Variants in ASB3 observed in about 807,000 individuals in gnomAD.
ASB3 encodes ankyrin repeat and SOCS box protein 3.
ASB3 carries 41 observed loss-of-function variants against 54.5 expected under a neutral mutation model. The observed-to-expected ratio is 0.75, with a 90% CI of 0.59 to 0.98. ASB3 has a LOEUF of 0.98. Ranked by LOEUF, ASB3 falls within the 50% of genes least tolerant of loss-of-function variation. The pLI, the probability that ASB3 is intolerant of heterozygous loss-of-function variation, is 0.00. For synonymous variants in ASB3, 266 were observed against 221.2 expected, an observed-to-expected ratio of 1.20 and a Z score of -1.80; for missense variants, 733 against 620.0, an observed-to-expected ratio of 1.18 and a Z score of -1.94.
intron 2 of ASB3, 40 bp downstream of exon 2, chr2:53,765,337 A>G (rs1472445358): frequency 6.2e-7 from 1 of 1,612,310 alleles, no homozygotes; most frequent in Admixed American, 1.7e-5. Flanking sequence ...TTATTAATCC[A>G]GCTTGTAGGC....
chr2:53,709,447 G>C (rs1669969749), intron 7 of ASB3, among the ~76,000 whole-genome samples: 1 of 152,144 alleles, frequency 6.6e-6, no homozygotes, highest in Non-Finnish European at 1.5e-5. Flanking sequence ...CATTGGTCTT[G>C]CCTCTACCCC....
intron 5 of ASB3, among the ~76,000 whole-genome samples, chr2:53,727,021 TTAGGA>T (rs1317647132): frequency 1.3e-5 from 2 of 152,070 alleles, no homozygotes; most frequent in Non-Finnish European, 2.9e-5. Context: ...ATTAACTGAA[TTAGGA>T]TAGTCCTCCG....
intron 8 of ASB3, among the ~76,000 whole-genome samples, chr2:53,697,738 G>A (rs1429205632): frequency 6.6e-6 from 1 of 152,144 alleles, no homozygotes; most frequent in Non-Finnish European, 1.5e-5. Flanking sequence ...AATTCAAGAG[G>A]ATTACCTTGA....
chr2:53,731,951 C>T (rs1217572249), intron 3 of ASB3, among the ~76,000 whole-genome samples: 1 of 151,714 alleles, frequency 6.6e-6, no homozygotes, highest in African/African-American at 2.4e-5. Context: ...TCACACTTGG[C>T]CCCCACAACA....
At chr2:53,678,091 C>G (rs558294716) in intron 9 of ASB3, among the ~76,000 whole-genome samples, 1 of 152,088 alleles carries the variant, frequency 6.6e-6, no homozygotes, top group Admixed American at 6.6e-5. Context: ...GTGATTACTA[C>G]AGTCAAACAA....
intron 2 of ASB3, among the ~76,000 whole-genome samples, chr2:53,760,048 T>C (rs905869240): frequency 5.9e-4 from 90 of 152,302 alleles, no homozygotes; most frequent in Non-Finnish European, 1.1e-3. Context: ...AGTCACTATA[T>C]ACTTCTCCCA....
intron 1 of ASB3, among the ~76,000 whole-genome samples, chr2:53,765,819 C>G (rs1297337274): frequency 2.0e-5 from 3 of 152,156 alleles, no homozygotes; most frequent in Non-Finnish European, 4.4e-5. Context: ...CATGAAGGGA[C>G]TTTTAAGTGT....
intron 3 of ASB3, among the ~76,000 whole-genome samples, chr2:53,737,460 A>G (rs188661477): frequency 1.6e-4 from 24 of 152,296 alleles, no homozygotes; most frequent in Admixed American, 1.6e-3. Flanking sequence ...AAGTTGCCCA[A>G]GGGTCCTTGG....
chr2:53,710,906 C>A (rs892825958), intron 7 of ASB3, among the ~76,000 whole-genome samples: 3 of 151,972 alleles, frequency 2.0e-5, no homozygotes, highest in East Asian at 3.9e-4. Context: ...GCAGGGAGAT[C>A]ACCTGAGCTC....
chr2:53,736,604 CAGG>C (rs1359912047), intron 3 of ASB3, among the ~76,000 whole-genome samples: 5 of 151,668 alleles, frequency 3.3e-5, no homozygotes, highest in African/African-American at 1.2e-4. Flanking sequence ...GAGGCCGAGG[CAGG>C]AGAATGGTGT....
chr2:53,749,600 T>C (rs1432901646), intron 3 of ASB3, among the ~76,000 whole-genome samples: 1 of 152,114 alleles, frequency 6.6e-6, no homozygotes, highest in East Asian at 1.9e-4. Flanking sequence ...TAATCACATC[T>C]ATTTAATAGA....
chr2:53,684,356 T>C (rs1480221993), intron 9 of ASB3, among the ~76,000 whole-genome samples: 5 of 152,238 alleles, frequency 3.3e-5, no homozygotes, highest in African/African-American at 1.2e-4. Context: ...TATGCCACTC[T>C]ACCTAATCAT....
At chr2:53,699,975 C>T (rs549609585) in intron 8 of ASB3, among the ~76,000 whole-genome samples, 2 of 152,156 alleles carry the variant, frequency 1.3e-5, no homozygotes, top group Non-Finnish European at 2.9e-5. Context: ...TCTTCTGTTA[C>T]AGGCATTTTA....
At chr2:53,768,329 C>T (rs1673645204) in intron 1 of ASB3, 1 of 272,008 alleles carries the variant, frequency 3.7e-6, no homozygotes, top group African/African-American at 2.2e-5. Flanking sequence ...TCTCTGCAAC[C>T]TCTGCCAAAA....
At chr2:53,691,924 G>C (rs1384226464) in intron 9 of ASB3, among the ~76,000 whole-genome samples, 1 of 152,204 alleles carries the variant, frequency 6.6e-6, no homozygotes, top group African/African-American at 2.4e-5. Context: ...AACAAGGAGA[G>C]GGATAAAAAG....
Position 53,679,702 on chromosome 2 carries a change from A to C in ASB3, c.1370-9012T>G, listed in dbSNP as rs527371950. On this transcript the variant is annotated intron_variant, in intron 9 of 9. Coordinates refer to ENST00000263634, the MANE Select transcript of ASB3 (RefSeq NM_016115.5). ...ATCCTTCCCTTTTAGCCACTGTACTAATCAAAGAACTATGTTCACTTTATT... is the reference window on the plus strand; with the variant it reads ...ATCCTTCCCTTTTAGCCACTGTACTCATCAAAGAACTATGTTCACTTTATT... Among the ~76,000 whole-genome samples the C allele has an allele frequency of 2.0e-5, 3 of 152,288 alleles. No individual in the cohort carries two copies. In the East Asian group the frequency reaches 5.8e-4, roughly 29 times the overall value.
At position 53,694,027 on chromosome 2, in the gene ASB3, G is replaced by C; in HGVS notation, c.1239-13C>G. 6.2e-7 allele frequency: 1 copy of C among 1,612,114 alleles called. No individual in the cohort carries two copies. The highest frequency in any genetic ancestry group is 8.5e-7 in the Non-Finnish European group (1 of 1,178,822). On this transcript the variant is annotated splice_polypyrimidine_tract_variant and intron_variant, in intron 8 of 9. Coordinates refer to ENST00000263634, the MANE Select transcript of ASB3 (RefSeq NM_016115.5). ...GACTGAGTCAATCCTATGTTAGCAA[G>C]ATGTTAATATAATATTAGAAACAAA...
At chr2:53,704,863 T>C (rs1344657849) in intron 7 of ASB3, among the ~76,000 whole-genome samples, 2 of 152,224 alleles carry the variant, frequency 1.3e-5, no homozygotes, top group African/African-American at 4.8e-5. Flanking sequence ...CTTTATTCTA[T>C]CTGATCACTT....
At chr2:53,725,250 T>TA (rs1361966421) in intron 5 of ASB3, among the ~76,000 whole-genome samples, 5 of 152,112 alleles carry the variant, frequency 3.3e-5, no homozygotes, top group African/African-American at 1.2e-4. Context: ...CTCAAGGACA[T>TA]AAAGATAGCA....
Sources: allele counts gnomAD v4.1 joint callset (sites outside exome capture counted in the v4.1 genomes callset), GRCh38; gene constraint gnomAD v4.1.1; transcripts MANE v1.5; gene names NCBI Gene and HGNC (gene_info 2026-07-23, HGNC 2026-07-21).